Variants in PIGB observed in about 807,000 individuals in gnomAD.
PIGB encodes the protein GPI alpha-1,2-mannosyltransferase 3.
A neutral mutation model predicts 68.4 loss-of-function variants in PIGB; 58 were observed. That is an observed-to-expected ratio of 0.85 (90% CI 0.69 to 1.06). The LOEUF is 1.06. Among genes scored for constraint, PIGB ranks in the 50% least tolerant of loss-of-function variants. The probability of loss-of-function intolerance (pLI) is 0.00; values close to 1 mark genes in which losing one functional copy is unlikely to be tolerated. For missense variants in PIGB, 634 were observed against 655.8 expected (o/e 0.97, Z 0.36); for synonymous variants, 219 against 220.5 (o/e 0.99, Z 0.06).
Position 55,329,786 on chromosome 15 carries a change from C to A in PIGB, c.585C>A (p.Thr195=). ...WYCCTRTLTN[T]METVLTIIAL... ...GCTGTACCAGAACCCTTACAAACAC[C>A]ATGGAAACTGTTCTCACTATAATTG... Residue 195 remains threonine, a synonymous_variant, in exon 5 of 12, where the codon ACC becomes ACA. Coordinates refer to ENST00000164305, the MANE Select transcript of PIGB (RefSeq NM_004855.5). 1 of 1,609,236 alleles carries A rather than the reference C, an allele frequency of 6.2e-7. No homozygotes were observed. The highest frequency in any genetic ancestry group is 1.1e-5 in the South Asian group (1 of 90,962).
At chr15:55,352,744 G>C (rs922617641) in intron 10 of PIGB, among the ~76,000 whole-genome samples, 1 of 152,098 alleles carries the variant, frequency 6.6e-6, no homozygotes, top group Non-Finnish European at 1.5e-5. Flanking sequence ...GCGACAGAGC[G>C]AGACTCAACC....
intron 10 of PIGB, among the ~76,000 whole-genome samples, chr15:55,354,269 T>C (rs555184156): frequency 2.5e-3 from 384 of 151,904 alleles, no homozygotes; most frequent in African/African-American, 8.7e-3. Context: ...GATTGCGCCA[T>C]TGCACTCCAG....
intron 1 of PIGB, 149 bp from the exon 2 acceptor site, chr15:55,320,122 TAACC>T (rs1349072375): frequency 2.4e-5 from 13 of 537,508 alleles, no homozygotes; most frequent in Non-Finnish European, 3.5e-5. Flanking sequence ...GGTGCTTGTA[TAACC>T]AACCAAGTTG....
chr15:55,319,238 G>A lies in PIGB; in HGVS notation c.-13G>A, dbSNP rs1217201806. The A allele has an allele frequency of 1.2e-6, 2 of 1,600,814 alleles. No homozygotes were observed. The highest frequency in any genetic ancestry group is 2.7e-5 in the African/African-American group (2 of 74,922). On this transcript the variant is annotated 5_prime_UTR_variant, in exon 1 of 12. It adds an upstream start codon to the 5' untranslated region. Transcript: ENST00000164305. ...TGCAGCTTTCTTCCGCCTTAGGAAG[G>A]TGGCGGCCAGGGATGAGGAGGCCCC...
chr15:55,352,158 G>A (rs1424108249), intron 10 of PIGB, among the ~76,000 whole-genome samples: 2 of 151,768 alleles, frequency 1.3e-5, no homozygotes, highest in African/African-American at 4.8e-5. Flanking sequence ...ATGTTGGTCA[G>A]GCTGATCTCG....
In PIGB at chr15:55,355,553, A is replaced by G; in HGVS notation, c.*121A>G. On this transcript the variant is annotated 3_prime_UTR_variant, in exon 12 of 12. Coordinates refer to ENST00000164305, the MANE Select transcript of PIGB (RefSeq NM_004855.5). ...AAAGCTGTATGAACTGCTTTACCAA[A>G]TATCACTACTGAGGAAATGTATAAA... 1.4e-6 allele frequency: 1 copy of G among 708,826 alleles called. No individual in the cohort carries two copies. 43.9% of individuals were successfully genotyped at this position (708,826 alleles called of 1,614,324 possible).
chr15:55,330,759 G>A (rs924493812), intron 5 of PIGB, among the ~76,000 whole-genome samples: 3 of 152,206 alleles, frequency 2.0e-5, no homozygotes, highest in Admixed American at 1.3e-4. Context: ...AAGGAGAAAA[G>A]CCAGAATTTG....
intron 2 of PIGB, 112 bp downstream of exon 2, chr15:55,320,522 C>T: frequency 1.1e-6 from 1 of 900,310 alleles, no homozygotes; most frequent in Admixed American, 2.6e-5. Flanking sequence ...TAGATAGTTT[C>T]CAAAATCCCT....
intron 9 of PIGB, among the ~76,000 whole-genome samples, chr15:55,342,652 A>G (rs2141203797): frequency 6.6e-6 from 1 of 152,284 alleles, no homozygotes; most frequent in South Asian, 2.1e-4. Context: ...TCAGCCTCCC[A>G]AAAGTGCTGG....
At chr15:55,324,211 AT>A (rs1274753522) in intron 3 of PIGB, among the ~76,000 whole-genome samples, 1 of 152,130 alleles carries the variant, frequency 6.6e-6, no homozygotes, top group East Asian at 1.9e-4. Flanking sequence ...ACAAAAGGGT[AT>A]TTGGCTCCTG....
Position 55,319,262 on chromosome 15 carries a change from C to G in PIGB, c.12C>G (p.Pro4=). The change falls in exon 1 of 12, where the codon CCC becomes CCG. Residue 4 remains proline, a synonymous_variant. Transcript: ENST00000164305. MRR[P]LSKCGMEPGG... ...GGTGGCGGCCAGGGATGAGGAGGCC[C>G]CTAAGCAAGTGCGGAATGGAGCCGG... 3.7e-6 allele frequency: 6 copies of G among 1,606,822 alleles called. No homozygotes were observed. The highest frequency in any genetic ancestry group is 4.2e-6 in the Non-Finnish European group (5 of 1,177,260).
At chr15:55,330,100 A>G (rs893908335) in intron 5 of PIGB, among the ~76,000 whole-genome samples, 17 of 152,210 alleles carry the variant, frequency 1.1e-4, no homozygotes, top group African/African-American at 3.9e-4. Flanking sequence ...GAAACACCAT[A>G]GTACCCCCAG....
At chr15:55,325,696 C>T (rs983362920) in intron 3 of PIGB, among the ~76,000 whole-genome samples, 1 of 151,594 alleles carries the variant, frequency 6.6e-6, no homozygotes, top group Non-Finnish European at 1.5e-5. Context: ...GCGGGCAGAT[C>T]ACAAGGTCAC....
In PIGB at chr15:55,350,783, C is replaced by T. The variant is rs746920558; in HGVS notation, c.1208C>T (p.Thr403Ile). ...FLSNLFLALY[T>I]GLVHQRGTLD... Reference sequence around the variant, plus strand: ...TCAAATTTGTTCCTCGCCCTTTATACTGGTTTAGTTCATCAACGAGGTACT... The same window carrying T: ...TCAAATTTGTTCCTCGCCCTTTATATTGGTTTAGTTCATCAACGAGGTACT... The change falls in exon 10 of 12, where the codon ACT (threonine) becomes ATT (isoleucine). Residue 403 changes from threonine (T) to isoleucine (I), a missense_variant. Transcript: ENST00000164305. 1.4e-5 allele frequency: 22 copies of T among 1,612,830 alleles called. No individual in the cohort carries two copies. The highest frequency in any genetic ancestry group is 2.2e-5 in the South Asian group (2 of 91,056).
At chr15:55,321,646 C>CTT (rs966940527) in intron 3 of PIGB, among the ~76,000 whole-genome samples, 1,521 of 68,310 alleles carry the variant, frequency 0.022, 16 homozygotes, top group Non-Finnish European at 0.031. Flanking sequence ...ATACTTCTTT[C>CTT]TTTTTTTTTT....
chr15:55,347,855 G>A (rs780137729), intron 9 of PIGB, among the ~76,000 whole-genome samples: 45 of 152,144 alleles, frequency 3.0e-4, no homozygotes, highest in Non-Finnish European at 6.0e-4. Context: ...CAGTACTGAA[G>A]ATGCTGGAAA....
chr15:55,344,044 A>G (rs1431543693), intron 9 of PIGB, among the ~76,000 whole-genome samples: 1 of 152,176 alleles, frequency 6.6e-6, no homozygotes, highest in Non-Finnish European at 1.5e-5. Flanking sequence ...TATACCACAA[A>G]TTTCAGCCTT....
In PIGB at chr15:55,354,995, AAG is replaced by A. The variant is rs1279441708; in HGVS notation, c.1518+20_1518+21del. ...TTGGAAGAGGTAAGTAAACATGAAA[AAG>A]AGGAAAACTCAGTATTTTAATTTTA... On this transcript the variant is annotated intron_variant, in intron 11 of 11. Transcript: ENST00000164305. 7.5e-6 allele frequency: 12 copies of A among 1,591,758 alleles called. No homozygotes were observed. Among genetic ancestry groups the A allele is most frequent in the Non-Finnish European group, 8.6e-7 (1 of 1,168,370 alleles).
intron 10 of PIGB, among the ~76,000 whole-genome samples, chr15:55,352,038 T>G (rs972996860): frequency 2.3e-4 from 34 of 149,092 alleles, no homozygotes; most frequent in African/African-American, 7.6e-4. Context: ...AACCTCTGCC[T>G]CCCGGGTTCA....
Sources: gnomAD v4.1 joint callset for allele counts (sites outside exome capture counted in the v4.1 genomes callset) on GRCh38, gnomAD v4.1.1 for gene constraint, MANE v1.5 for transcripts, NCBI Gene and HGNC (gene_info 2026-07-23, HGNC 2026-07-21) for gene names.